Variants in NEK1 observed in about 807,000 individuals in gnomAD.
NEK1 encodes the protein serine/threonine-protein kinase Nek1.
A neutral mutation model predicts 182.1 loss-of-function variants in NEK1; 137 were observed. The observed-to-expected ratio is 0.75, with a 90% CI of 0.65 to 0.87. The LOEUF (loss-of-function observed/expected upper bound fraction) is 0.87, where lower values mean the gene tolerates loss of function less well. Ranked by LOEUF, NEK1 falls within the 40% of genes least tolerant of loss-of-function variation. The pLI is 0.00. For missense variants in NEK1, 1,391 were observed against 1,494.4 expected (o/e 0.93, Z 1.14); for synonymous variants, 513 against 492.2 (o/e 1.04, Z -0.56).
In NEK1 at chr4:169,507,721, T is replaced by C. The variant is rs770063087; in HGVS notation, c.1905A>G (p.Ser635=). ...EADMRRKKIE[S]LKAHANARAA... is the part of the protein sequence containing the mutation. ...TATCATTTCTAGTCTATACCTTCAG[T>C]GATTCGATTTTTTTGCGCCTCATGT... Residue 635 remains serine, a synonymous_variant, in exon 22 of 36, where the codon TCA becomes TCG. Coordinates refer to ENST00000507142, the MANE Select transcript of NEK1 (RefSeq NM_001199397.3). The C allele has an allele frequency of 6.2e-7, 1 of 1,612,040 alleles. No individual in the cohort carries two copies. The highest frequency in any genetic ancestry group is 1.1e-5 in the South Asian group (1 of 91,020).
intron 29 of NEK1, among the ~76,000 whole-genome samples, chr4:169,432,093 G>C (rs1023439789): frequency 1.3e-5 from 2 of 151,442 alleles, no homozygotes; most frequent in Non-Finnish European, 2.9e-5. Flanking sequence ...AAGATATAAA[G>C]AGAAAATTCA....
chr4:169,491,153 AAAAAAAAAAAG>A (rs1257253387), intron 23 of NEK1, among the ~76,000 whole-genome samples: 26 of 146,978 alleles, frequency 1.8e-4, no homozygotes, highest in African/African-American at 5.7e-4. Flanking sequence ...AAAAAAAAAA[AAAAAAAAAAAG>A]AGAGATGGAG....
chr4:169,466,343 G>A (rs761184621), intron 26 of NEK1, among the ~76,000 whole-genome samples: 2 of 151,718 alleles, frequency 1.3e-5, no homozygotes, highest in East Asian at 1.9e-4. Flanking sequence ...GAAACATGAC[G>A]AAAGTGACAT....
chr4:169,429,784 T>A (rs1484039833), intron 29 of NEK1, among the ~76,000 whole-genome samples: 2 of 152,338 alleles, frequency 1.3e-5, no homozygotes, highest in Non-Finnish European at 1.5e-5. Flanking sequence ...GATTTCTTCC[T>A]TCATGAATAG....
chr4:169,394,953 T>C (rs143238898), intron 35 of NEK1, among the ~76,000 whole-genome samples: 22 of 152,290 alleles, frequency 1.4e-4, no homozygotes, highest in African/African-American at 4.1e-4. Context: ...GTAAAGTTCT[T>C]TCAGATTTTC....
At chr4:169,429,103 C>A (rs978197571) in intron 29 of NEK1, among the ~76,000 whole-genome samples, 1 of 151,896 alleles carries the variant, frequency 6.6e-6, no homozygotes, top group Middle Eastern at 3.4e-3. Context: ...ACACAGAGGG[C>A]TGGCTTTTCA....
chr4:169,603,486 T>C (rs148355345), intron 2 of NEK1, among the ~76,000 whole-genome samples: 90 of 152,322 alleles, frequency 5.9e-4, no homozygotes, highest in African/African-American at 2.1e-3. Context: ...TTTGGTCACA[T>C]GTAAAATGTG....
chr4:169,493,280 GA>G (rs931649131), intron 23 of NEK1, among the ~76,000 whole-genome samples: 5 of 151,742 alleles, frequency 3.3e-5, no homozygotes, highest in Non-Finnish European at 7.4e-5. Context: ...CCTTCAAGGG[GA>G]AAAAAAATAA....
chr4:169,507,113 G>A lies in NEK1; in HGVS notation c.1931C>T (p.Ala644Val). 1 of 1,600,446 alleles carries A rather than the reference G, an allele frequency of 6.2e-7. No homozygotes were observed. Among genetic ancestry groups the A allele is most frequent in the Admixed American group, 1.7e-5 (1 of 59,346 alleles). ...ESLKAHANAR[A>V]AVLKEQLERK... ...TTCTAGTTGTTCTTTTAGTACAGCA[G>A]CACGTGCATTTGCATGGGCCTAAAA... Residue 644 changes from alanine to valine, a missense_variant, in exon 23 of 36, where the codon GCT (alanine) becomes GTT (valine). By Grantham distance (64) the Ala-to-Val change is moderately conservative. Coordinates refer to ENST00000507142, the MANE Select transcript of NEK1 (RefSeq NM_001199397.3).
intron 23 of NEK1, among the ~76,000 whole-genome samples, chr4:169,505,212 A>T (rs974336137): frequency 3.9e-5 from 6 of 151,958 alleles, no homozygotes; most frequent in African/African-American, 1.4e-4. Context: ...TAAAAAAAAC[A>T]ATAAATATAC....
intron 26 of NEK1, among the ~76,000 whole-genome samples, chr4:169,475,675 G>A (rs1001933379): frequency 3.9e-5 from 6 of 152,118 alleles, no homozygotes; most frequent in Non-Finnish European, 8.8e-5. Flanking sequence ...TGACACAGAT[G>A]TCAGAATAAG....
chr4:169,457,318 T>C (rs1262294569), intron 27 of NEK1, among the ~76,000 whole-genome samples: 1 of 152,142 alleles, frequency 6.6e-6, no homozygotes, highest in African/African-American at 2.4e-5. Context: ...ATACCTCATG[T>C]ACCCAATAAA....
chr4:169,449,465 G>A (rs999929213), intron 27 of NEK1, among the ~76,000 whole-genome samples: 1 of 152,172 alleles, frequency 6.6e-6, no homozygotes, highest in Non-Finnish European at 1.5e-5. Context: ...CCAGAGGAAG[G>A]ATCAGGCAGC....
intron 19 of NEK1, among the ~76,000 whole-genome samples, chr4:169,528,560 T>C (rs1223723514): frequency 1.3e-5 from 2 of 152,200 alleles, no homozygotes; most frequent in South Asian, 2.1e-4. Flanking sequence ...AGCTAAGCTG[T>C]GTCCAGACTC....
chr4:169,561,375 G>A, intron 16 of NEK1, 105 bp downstream of exon 16: 1 of 938,694 alleles, frequency 1.1e-6, no homozygotes, highest in African/African-American at 1.6e-5. Context: ...AAAATTAATT[G>A]TACACTAAAG....
At position 169,569,811 on chromosome 4, in the gene NEK1, T is replaced by C. The variant is rs1438922887; in HGVS notation, c.1020+7117A>G. ...ACTCAGTGCTCAATGGTGCCCAGGC[T>C]GGAGTGCAGTGTCGTGATCTCGGCT... On this transcript the variant is annotated intron_variant, in intron 12 of 35. Transcript: ENST00000507142. Among the ~76,000 whole-genome samples, 6 of 152,202 alleles carry C rather than the reference T, an allele frequency of 3.9e-5. No individual in the cohort carries two copies. In the East Asian group the frequency reaches 9.7e-4, roughly 25 times the overall value.
chr4:169,448,487 A>G (rs144174341), intron 27 of NEK1, among the ~76,000 whole-genome samples: 92 of 152,292 alleles, frequency 6.0e-4, no homozygotes, highest in African/African-American at 2.2e-3. Flanking sequence ...AAAACATACC[A>G]CTAAAGAAAT....
chr4:169,562,000 T>A lies in NEK1; in HGVS notation c.1081-109A>T, dbSNP rs566919234. The A allele has an allele frequency of 1.7e-4, 187 of 1,131,920 alleles. No individual in the cohort carries two copies. In the South Asian group the frequency reaches 2.8e-3, roughly 17 times the overall value. The allele number at this position is 1,131,920 out of a possible 1,614,324, so 70.1% of individuals were successfully genotyped here. On this transcript the variant is annotated intron_variant, in intron 13 of 35. Coordinates refer to ENST00000507142, the MANE Select transcript of NEK1 (RefSeq NM_001199397.3). Reference sequence around the variant, plus strand: ...GAGGTATGTTCAATGAGGTTTTTTTTTTAAAAAAAAAAAGAAGTTATAGGT... The same window carrying A: ...GAGGTATGTTCAATGAGGTTTTTTTATTAAAAAAAAAAAGAAGTTATAGGT...
Position 169,589,457 on chromosome 4 carries a change from C to T in NEK1, c.454G>A (p.Val152Ile). 1 of 1,504,812 alleles carries T rather than the reference C, an allele frequency of 6.6e-7. No homozygotes were observed. Among genetic ancestry groups the T allele is most frequent in the Non-Finnish European group, 9.0e-7 (1 of 1,110,526 alleles). 93.2% of individuals were successfully genotyped at this position (1,504,812 alleles called of 1,614,324 possible). Residue 152 changes from valine to isoleucine, a missense_variant, in exon 7 of 36, where the codon GTT becomes ATT. Val to Ile is a conservative substitution (Grantham distance 29). Coordinates refer to ENST00000507142, the MANE Select transcript of NEK1 (RefSeq NM_001199397.3). ...VQLGDFGIAR[V>I]LNSTVELART... The stretch of plus-strand genomic sequence containing the variant: ...TAAAATTCATGTTACCTATTAAGAA[C>T]TCTAGCAATTCCAAAATCTCCAAGT...
Sources: gnomAD v4.1 joint callset for allele counts (sites outside exome capture counted in the v4.1 genomes callset) on GRCh38, gnomAD v4.1.1 for gene constraint, MANE v1.5 for transcripts, NCBI Gene and HGNC (gene_info 2026-07-23, HGNC 2026-07-21) for gene names.